Variants in PCGF5 observed in about 807,000 individuals in gnomAD.
The protein encoded by PCGF5 is polycomb group ring finger 5, also known as polycomb group RING finger protein 5.
Under a neutral mutation model 44.3 loss-of-function variants are expected in PCGF5, and 9 were observed. The ratio of observed to expected loss-of-function variants is 0.20; its 90% confidence interval spans 0.12 to 0.35. The LOEUF is 0.35. PCGF5 is among the 10% of genes least tolerant of loss of function. The pLI, the probability that PCGF5 is intolerant of heterozygous loss-of-function variation, is 1.00. For synonymous variants in PCGF5, 95 were observed against 102.5 expected, an observed-to-expected ratio of 0.93 and a Z score of 0.44; for missense variants, 146 against 305.3, an observed-to-expected ratio of 0.48 and a Z score of 3.89.
chr10:91,180,903 T>A (rs1843806039), intron 1 of PCGF5, among the ~76,000 whole-genome samples: 1 of 152,252 alleles, frequency 6.6e-6, no homozygotes, highest in South Asian at 2.1e-4. Flanking sequence ...AATGGTAGTT[T>A]AATAGAAATA....
chr10:91,241,729 T>C (rs1323570242), intron 3 of PCGF5, among the ~76,000 whole-genome samples: 2 of 152,194 alleles, frequency 1.3e-5, no homozygotes, highest in Non-Finnish European at 2.9e-5. Context: ...CTGGAACCTT[T>C]CATAACTCTC....
At position 91,185,695 on chromosome 10, in the gene PCGF5, G is replaced by A. The variant is rs561651306; in HGVS notation, c.-184+22614G>A. ...AAGACTCCACATAGTTCTGTGTGTC[G>A]GACTGAAGGCCCTAGTGGAGTGGTT... On this transcript the variant is annotated intron_variant, in intron 1 of 9. Coordinates refer to the PCGF5 transcript ENST00000614189. Among the ~76,000 whole-genome samples the A allele has an allele frequency of 4.6e-5, 7 of 152,286 alleles. No individual in the cohort carries two copies. The South Asian group carries it at 6.2e-4, about 14-fold the overall frequency.
At chr10:91,167,503 C>T (rs988364878) in intron 1 of PCGF5, among the ~76,000 whole-genome samples, 17 of 152,246 alleles carry the variant, frequency 1.1e-4, no homozygotes, top group African/African-American at 3.9e-4. Flanking sequence ...CGACTTCAAT[C>T]GGCAAAAATG....
At chr10:91,200,437 G>A (rs1844229928) in intron 1 of PCGF5, among the ~76,000 whole-genome samples, 1 of 152,190 alleles carries the variant, frequency 6.6e-6, no homozygotes, top group Non-Finnish European at 1.5e-5. Context: ...CCCTTTCTGG[G>A]AAGTGCGCAT....
chr10:91,244,676 T>G (rs1845413374), intron 3 of PCGF5, among the ~76,000 whole-genome samples: 1 of 152,040 alleles, frequency 6.6e-6, no homozygotes, highest in Admixed American at 6.6e-5. Flanking sequence ...GTGGTAGCAG[T>G]AGAGGGGACA....
intron 1 of PCGF5, among the ~76,000 whole-genome samples, chr10:91,221,459 AT>A (rs1160675521): frequency 1.3e-5 from 2 of 152,192 alleles, no homozygotes; most frequent in Non-Finnish European, 2.9e-5. Context: ...CAGAACCCTG[AT>A]TCCCTGTCTT....
At chr10:91,274,462 T>G (rs138670697) in intron 9 of PCGF5, among the ~76,000 whole-genome samples, 37 of 152,328 alleles carry the variant, frequency 2.4e-4, no homozygotes, top group African/African-American at 8.7e-4. Context: ...GTATTTCAAA[T>G]TAATGCAGTA....
At chr10:91,219,004 A>C (rs1844601527), upstream of PCGF5, among the ~76,000 whole-genome samples, 1 of 152,074 alleles carries the variant, frequency 6.6e-6, no homozygotes, top group Non-Finnish European at 1.5e-5. Context: ...GCATTTTTTT[A>C]AATTGGGGTG....
intron 1 of PCGF5, among the ~76,000 whole-genome samples, chr10:91,163,842 G>T (rs1843442828): frequency 6.6e-6 from 1 of 151,980 alleles, no homozygotes; most frequent in Non-Finnish European, 1.5e-5. Context: ...GGGGTGGTGG[G>T]GTGGGGGGGC....
At chr10:91,226,143 A>G (rs1243685196) in intron 2 of PCGF5, among the ~76,000 whole-genome samples, 1 of 152,132 alleles carries the variant, frequency 6.6e-6, no homozygotes, top group African/African-American at 2.4e-5. Flanking sequence ...ATGGAGACTC[A>G]TAAGAAAATA....
chr10:91,282,025 C>T lies in PCGF5; in HGVS notation c.*3709C>T, dbSNP rs1301024946. On this transcript the variant is annotated 3_prime_UTR_variant, in exon 10 of 10. Coordinates refer to ENST00000336126, the MANE Select transcript of PCGF5 (RefSeq NM_032373.5). ...ACTAAAATTAAGCTTAGATTTAGCT[C>T]CTGTATTATTCATAATATGAGAAAT... is the stretch of plus-strand genomic sequence containing the variant. 6.6e-6 allele frequency: 1 copy of T among 152,080 alleles called. No individual in the cohort carries two copies. The highest frequency in any genetic ancestry group is 1.5e-5 in the Non-Finnish European group (1 of 68,018). The allele number at this position is 152,080 out of a possible 1,614,324, so 9.4% of individuals were successfully genotyped here.
intron 5 of PCGF5, 43 bp downstream of exon 5, chr10:91,248,767 T>C (rs1845540941): frequency 1.3e-6 from 2 of 1,504,774 alleles, no homozygotes; most frequent in Admixed American, 1.9e-5. Context: ...CCTCTTAAAC[T>C]GGTCAGCTTT....
chr10:91,257,429 C>A (rs1845783385), intron 6 of PCGF5, among the ~76,000 whole-genome samples: 1 of 152,094 alleles, frequency 6.6e-6, no homozygotes, highest in Non-Finnish European at 1.5e-5. Context: ...AATTCCACTT[C>A]TAAGTATGTG....
intron 1 of PCGF5, among the ~76,000 whole-genome samples, chr10:91,187,193 A>T (rs551018832): frequency 3.9e-5 from 6 of 152,300 alleles, no homozygotes; most frequent in African/African-American, 1.2e-4. Context: ...ATCTATAGTG[A>T]TTCGGATTTA....
At chr10:91,274,161 G>T (rs944040596) in intron 9 of PCGF5, among the ~76,000 whole-genome samples, 38 of 151,974 alleles carry the variant, frequency 2.5e-4, no homozygotes, top group Non-Finnish European at 4.9e-4. Context: ...AGAGATGCCA[G>T]TTCACCCCAC....
At chr10:91,223,906 C>T (rs931109270) in intron 2 of PCGF5, among the ~76,000 whole-genome samples, 1 of 152,064 alleles carries the variant, frequency 6.6e-6, no homozygotes, top group Admixed American at 6.6e-5. Flanking sequence ...CTATATTCAA[C>T]TCCAAAACCC....
chr10:91,198,850 G>A (rs957758998), intron 1 of PCGF5, among the ~76,000 whole-genome samples: 2 of 152,156 alleles, frequency 1.3e-5, no homozygotes, highest in Non-Finnish European at 1.5e-5. Flanking sequence ...CTACCCCATG[G>A]TCTTTGGCTG....
intron 1 of PCGF5, among the ~76,000 whole-genome samples, chr10:91,173,578 C>CTTTTT (rs59254639): frequency 1.7e-5 from 2 of 115,628 alleles, no homozygotes; most frequent in African/African-American, 6.8e-5. Flanking sequence ...AGGGAGTTGG[C>CTTTTT]TTTTTTTTTT....
chr10:91,223,914 C>T (rs1163350091), intron 2 of PCGF5, among the ~76,000 whole-genome samples: 1 of 152,026 alleles, frequency 6.6e-6, no homozygotes, highest in Non-Finnish European at 1.5e-5. Flanking sequence ...AACTCCAAAA[C>T]CCATGCTCTT....
Sources: allele counts gnomAD v4.1 joint callset (sites outside exome capture counted in the v4.1 genomes callset), GRCh38; gene constraint gnomAD v4.1.1; transcripts MANE v1.5; gene names NCBI Gene and HGNC (gene_info 2026-07-23, HGNC 2026-07-21).